The following ZBTB20 variants were observed in gnomAD, a reference collection of about 807,000 sequenced individuals.
ZBTB20 encodes the protein zinc finger and BTB domain containing 20.
ZBTB20 carries 9 observed loss-of-function variants against 56.9 expected under a neutral mutation model. That is an observed-to-expected ratio of 0.16 (90% confidence interval 0.10 to 0.28). The LOEUF is 0.28. ZBTB20 is among the 10% of genes least tolerant of loss of function. The pLI is 1.00. For missense variants in ZBTB20, 655 were observed against 1,003.0 expected, an observed-to-expected ratio of 0.65 and a Z score of 4.69; for synonymous variants, 417 against 420.7, an observed-to-expected ratio of 0.99 and a Z score of 0.11.
intron 6 of ZBTB20, among the ~76,000 whole-genome samples, chr3:114,561,074 ACT>A (rs1223008259): frequency 6.6e-6 from 1 of 152,088 alleles, no homozygotes; most frequent in African/African-American, 2.4e-5. Flanking sequence ...ATAAGAAACT[ACT>A]CTTTACCTGT....
chr3:114,405,165 C>T (rs1051786679), intron 7 of ZBTB20, among the ~76,000 whole-genome samples: 23 of 151,656 alleles, frequency 1.5e-4, no homozygotes, highest in African/African-American at 5.3e-4. Context: ...TAGCCATGTA[C>T]GGGAGGAATT....
intron 2 of ZBTB20, among the ~76,000 whole-genome samples, chr3:115,014,637 C>T (rs1008684397): frequency 3.3e-5 from 5 of 151,522 alleles, no homozygotes; most frequent in Non-Finnish European, 5.9e-5. Context: ...ATCTCCTAGG[C>T]TCTTAGTCTG....
rs529111217 is a variant in ZBTB20 at position 114,656,842 on chromosome 3, C to T, written c.-295+36686G>A. Among the ~76,000 whole-genome samples, 8 of 152,284 alleles carry T rather than the reference C, an allele frequency of 5.3e-5. No individual in the cohort carries two copies. In the East Asian group the frequency reaches 1.5e-3, roughly 29 times the overall value. On this transcript the variant is annotated intron_variant, in intron 6 of 11. Coordinates refer to ENST00000675478, the MANE Select transcript of ZBTB20 (RefSeq NM_001348800.3). ...CACTGCAACCTCCACCTCCTGGGTT[C>T]AAGCTATCTATTCTCATGCCTCAGC... is the stretch of plus-strand genomic sequence containing the variant.
chr3:114,621,208 A>G (rs368320296), intron 6 of ZBTB20, among the ~76,000 whole-genome samples: 15 of 152,204 alleles, frequency 9.9e-5, no homozygotes, highest in African/African-American at 3.6e-4. Flanking sequence ...TTGCTGAAGG[A>G]TAATTACCAA....
chr3:114,927,640 G>A (rs1162834098), intron 3 of ZBTB20, among the ~76,000 whole-genome samples: 1 of 152,240 alleles, frequency 6.6e-6, no homozygotes. Flanking sequence ...CTCAAAGATT[G>A]AAGAACTCTC....
chr3:114,913,851 A>G (rs979519106), intron 3 of ZBTB20, among the ~76,000 whole-genome samples: 25 of 151,710 alleles, frequency 1.6e-4, no homozygotes, highest in African/African-American at 5.6e-4. Flanking sequence ...CCTTTCCCCA[A>G]TGTATGTTCT....
intron 5 of ZBTB20, among the ~76,000 whole-genome samples, chr3:114,717,880 T>A (rs761118713): frequency 6.6e-6 from 1 of 152,138 alleles, no homozygotes; most frequent in African/African-American, 2.4e-5. Flanking sequence ...CTCGAAACTG[T>A]AATATCTTTT....
intron 6 of ZBTB20, among the ~76,000 whole-genome samples, chr3:114,510,147 T>C (rs1391192455): frequency 6.6e-6 from 1 of 152,178 alleles, no homozygotes; most frequent in African/African-American, 2.4e-5. Flanking sequence ...AGTATCCTAA[T>C]TGAGAAAGAC....
intron 6 of ZBTB20, among the ~76,000 whole-genome samples, chr3:114,675,524 C>A (rs946806145): frequency 6.6e-6 from 1 of 151,998 alleles, no homozygotes; most frequent in Non-Finnish European, 1.5e-5. Context: ...AGTAAAATCA[C>A]AATTATATTT....
At chr3:115,104,543 A>T (rs2083668763) in intron 1 of ZBTB20, among the ~76,000 whole-genome samples, 1 of 152,206 alleles carries the variant, frequency 6.6e-6, no homozygotes, top group African/African-American at 2.4e-5. Flanking sequence ...ATGAAAAGAC[A>T]TGTAGGAAAC....
chr3:114,477,115 G>A (rs148970453), intron 7 of ZBTB20, among the ~76,000 whole-genome samples: 21 of 152,256 alleles, frequency 1.4e-4, no homozygotes, highest in Middle Eastern at 3.4e-3. Context: ...ATAATTATGC[G>A]TTGTGCTTAT....
intron 2 of ZBTB20, among the ~76,000 whole-genome samples, chr3:114,986,701 G>A (rs1452556848): frequency 6.6e-6 from 1 of 151,996 alleles, no homozygotes; most frequent in Non-Finnish European, 1.5e-5. Flanking sequence ...CTGGTTGATA[G>A]CTACTTTCAA....
chr3:114,505,817 T>G (rs1489071055), intron 6 of ZBTB20, among the ~76,000 whole-genome samples: 1 of 152,154 alleles, frequency 6.6e-6, no homozygotes, highest in African/African-American at 2.4e-5. Flanking sequence ...CTCTCAAAAT[T>G]AAGTGCCTGT....
intron 7 of ZBTB20, among the ~76,000 whole-genome samples, chr3:114,479,397 G>A (rs1269037669): frequency 1.3e-5 from 2 of 152,234 alleles, no homozygotes; most frequent in East Asian, 3.9e-4. Context: ...AAAGTAGCCA[G>A]CATGATATTT....
At chr3:114,968,564 A>G (rs1319951095) in intron 3 of ZBTB20, among the ~76,000 whole-genome samples, 1 of 152,216 alleles carries the variant, frequency 6.6e-6, no homozygotes, top group Non-Finnish European at 1.5e-5. Context: ...ACACACATCC[A>G]AAAGGGAGCA....
chr3:114,939,631 G>A lies in ZBTB20; in HGVS notation c.-456+34735C>T, dbSNP rs1056894103. On this transcript the variant is annotated intron_variant, in intron 3 of 11. Transcript: ENST00000675478. ...AAAATAGTTAAAATGATTTAGAGTC[G>A]AAGTAAGCAGGGGAAATATGAAGCT... is the stretch of plus-strand genomic sequence containing the variant. 1.1e-4 allele frequency among the ~76,000 whole-genome samples: 16 copies of A among 146,226 alleles called. 1 individual carries two copies. The highest frequency in any genetic ancestry group is 1.8e-4 in the Non-Finnish European group (12 of 67,968).
chr3:115,083,709 T>C (rs541158987), intron 1 of ZBTB20, among the ~76,000 whole-genome samples: 2 of 152,068 alleles, frequency 1.3e-5, no homozygotes, highest in South Asian at 2.1e-4. Context: ...AGCAGGCTCA[T>C]TGGCCTATAG....
At chr3:114,553,930 G>T (rs1356859047) in intron 6 of ZBTB20, among the ~76,000 whole-genome samples, 1 of 152,030 alleles carries the variant, frequency 6.6e-6, no homozygotes, top group Non-Finnish European at 1.5e-5. Flanking sequence ...CCTACATAAA[G>T]GTTTGCATCT....
chr3:115,038,475 T>C (rs2081016700), intron 2 of ZBTB20, among the ~76,000 whole-genome samples: 1 of 152,120 alleles, frequency 6.6e-6, no homozygotes, highest in Admixed American at 6.5e-5. Context: ...AATTAGTACA[T>C]TGATAAACAT....
Sources: gnomAD v4.1 joint callset for allele counts (sites outside exome capture counted in the v4.1 genomes callset) on GRCh38, gnomAD v4.1.1 for gene constraint, MANE v1.5 for transcripts, NCBI Gene and HGNC (gene_info 2026-07-23, HGNC 2026-07-21) for gene names.